PLXDC1: variants seen among roughly 807,000 people sequenced by gnomAD.
The protein encoded by PLXDC1 is plexin domain-containing protein 1.
PLXDC1 carries 39 observed loss-of-function variants against 61.3 expected under a neutral mutation model. The observed-to-expected ratio is 0.64, with a 90% CI of 0.49 to 0.83. PLXDC1 has a LOEUF of 0.83. Among genes scored for constraint, PLXDC1 ranks in the 40% least tolerant of loss-of-function variants. The pLI is 0.00. For missense variants in PLXDC1, 596 were observed against 666.5 expected (o/e 0.89, Z 1.17); for synonymous variants, 212 against 254.5 (o/e 0.83, Z 1.59).
chr17:39,135,502 C>A (rs1457833304), intron 2 of PLXDC1, among the ~76,000 whole-genome samples: 1 of 152,016 alleles, frequency 6.6e-6, no homozygotes, highest in Non-Finnish European at 1.5e-5. Flanking sequence ...CATGGTGAAA[C>A]CCCATCTCTA....
chr17:39,115,891 G>A (rs186016515), intron 2 of PLXDC1, among the ~76,000 whole-genome samples: 18 of 152,144 alleles, frequency 1.2e-4, no homozygotes, highest in Admixed American at 5.9e-4. Context: ...GAGACAGGGC[G>A]GATCACCTGA....
chr17:39,077,222 C>T (rs1304887181), intron 11 of PLXDC1, among the ~76,000 whole-genome samples: 3 of 152,116 alleles, frequency 2.0e-5, no homozygotes, highest in Non-Finnish European at 4.4e-5. Flanking sequence ...GACATAGCTA[C>T]AGAATCCTGG....
chr17:39,113,607 G>A (rs1037261339), intron 2 of PLXDC1, among the ~76,000 whole-genome samples: 15 of 152,138 alleles, frequency 9.9e-5, no homozygotes, highest in Admixed American at 1.3e-4. Context: ...TTGAGAGGAC[G>A]AGGCTGGAGG....
intron 1 of PLXDC1, among the ~76,000 whole-genome samples, chr17:39,145,206 C>T (rs542860730): frequency 2.0e-5 from 3 of 152,318 alleles, no homozygotes; most frequent in African/African-American, 4.8e-5. Context: ...GAGGGCCCTA[C>T]TCAGGCTGCC....
intron 2 of PLXDC1, among the ~76,000 whole-genome samples, chr17:39,137,867 T>C (rs1368658733): frequency 3.3e-5 from 5 of 150,144 alleles, no homozygotes; most frequent in South Asian, 2.1e-4. Flanking sequence ...GGGATTGGAG[T>C]GCAGGACAGG....
In PLXDC1 at chr17:39,109,259, G is replaced by C; in HGVS notation, c.388C>G (p.Arg130Gly). 6.2e-7 allele frequency: 1 copy of C among 1,606,244 alleles called. No homozygotes were observed. The highest frequency in any genetic ancestry group is 8.5e-7 in the Non-Finnish European group (1 of 1,175,256). ...ACTGGGGCACTCACCGAAGCCTGCCGGTGGGTGTTGGAGAGTATTGTGTGG... is the reference window on the plus strand; with the variant it reads ...ACTGGGGCACTCACCGAAGCCTGCCCGTGGGTGTTGGAGAGTATTGTGTGG... ...KIHTILSNTH[R>G]QASRVVLSFD... Residue 130 changes from arginine (R) to glycine (G), a missense_variant, in exon 3 of 14, where the codon CGG (arginine) becomes GGG (glycine). Physicochemically the swap from Arg to Gly is moderately radical, Grantham distance 125. Coordinates refer to ENST00000315392, the MANE Select transcript of PLXDC1 (RefSeq NM_020405.5).
intron 11 of PLXDC1, chr17:39,072,945 C>T (rs1909184242): frequency 1.2e-5 from 2 of 163,768 alleles, no homozygotes; most frequent in South Asian, 3.3e-4. Context: ...TCCTGTGGTT[C>T]CTTCCCATGC....
intron 2 of PLXDC1, among the ~76,000 whole-genome samples, chr17:39,122,842 A>G (rs1001608390): frequency 3.3e-5 from 5 of 152,196 alleles, no homozygotes; most frequent in African/African-American, 7.2e-5. Flanking sequence ...GATTTCAAAC[A>G]TTTTTGGTCC....
At chr17:39,114,722 G>A (rs1450330658) in intron 2 of PLXDC1, among the ~76,000 whole-genome samples, 1 of 152,226 alleles carries the variant, frequency 6.6e-6, no homozygotes, top group East Asian at 1.9e-4. Context: ...AAGCAGGACA[G>A]CTGCAGATGC....
chr17:39,135,469 G>T (rs939898215), intron 2 of PLXDC1, among the ~76,000 whole-genome samples: 2 of 152,170 alleles, frequency 1.3e-5, no homozygotes, highest in Non-Finnish European at 2.9e-5. Context: ...CTGAGGTCAG[G>T]ATTCTGAGAC....
chr17:39,094,454 CCTT>C (rs1004121271), intron 7 of PLXDC1, among the ~76,000 whole-genome samples: 3 of 152,090 alleles, frequency 2.0e-5, no homozygotes, highest in African/African-American at 7.2e-5. Flanking sequence ...GACGTCCCCT[CCTT>C]GAAGACTTCC....
At chr17:39,076,342 C>G (rs1346606335) in intron 11 of PLXDC1, among the ~76,000 whole-genome samples, 1 of 151,388 alleles carries the variant, frequency 6.6e-6, no homozygotes, top group Non-Finnish European at 1.5e-5. Context: ...GACCTCATCT[C>G]TACAAAAAAT....
At chr17:39,084,491 G>T (rs188004334) in intron 8 of PLXDC1, among the ~76,000 whole-genome samples, 18 of 152,334 alleles carry the variant, frequency 1.2e-4, no homozygotes, top group Non-Finnish European at 2.2e-4. Flanking sequence ...TGCTCTGGTT[G>T]CCCCCAGTGC....
chr17:39,069,888 G>T lies in PLXDC1; in HGVS notation c.1351C>A (p.Pro451Thr), dbSNP rs1909046678. 6.2e-7 allele frequency: 1 copy of T among 1,613,938 alleles called. No individual in the cohort carries two copies. The highest frequency in any genetic ancestry group is 1.7e-4 in the Middle Eastern group (1 of 6,060). The change falls in exon 13 of 14, where the codon CCC (proline) becomes ACC (threonine). Residue 451 changes from proline (P) to threonine (T), a missense_variant. Coordinates refer to ENST00000315392, the MANE Select transcript of PLXDC1 (RefSeq NM_020405.5). Reference protein sequence around the residue: ...ILAGIYINGHPTSNAALFFIE... With the variant: ...ILAGIYINGHTTSNAALFFIE... ...AAGAAGAGCGCAGCATTGGATGTGG[G>T]GTGGCCATTGATGTAAATTCCAGCC... is the stretch of plus-strand genomic sequence containing the variant.
intron 11 of PLXDC1, 180 bp from the exon 12 acceptor site, chr17:39,072,665 G>T: frequency 1.6e-6 from 1 of 632,686 alleles, no homozygotes; most frequent in Non-Finnish European, 2.9e-6. Context: ...GCTGGAGGCT[G>T]GGGAGTAAAT....
intron 5 of PLXDC1, chr17:39,107,803 G>A: frequency 1.8e-6 from 1 of 568,728 alleles, no homozygotes; most frequent in Non-Finnish European, 3.2e-6. Flanking sequence ...GATAAAAGAA[G>A]GAGGAATGTC....
chr17:39,094,972 A>G (rs1910095470), intron 7 of PLXDC1, among the ~76,000 whole-genome samples: 1 of 152,194 alleles, frequency 6.6e-6, no homozygotes, highest in Admixed American at 6.5e-5. Context: ...TGGGAGGGAC[A>G]AAGGGACTCA....
intron 2 of PLXDC1, among the ~76,000 whole-genome samples, chr17:39,134,483 G>A (rs1051750299): frequency 2.0e-5 from 3 of 151,476 alleles, no homozygotes; most frequent in African/African-American, 7.3e-5. Flanking sequence ...AAAATTAGCC[G>A]GGCTTGGTAG....
At chr17:39,107,607 C>T (rs762033840) in intron 5 of PLXDC1, 82 bp from the exon 6 acceptor site, 35 of 1,024,014 alleles carry the variant, frequency 3.4e-5, no homozygotes, top group African/African-American at 4.7e-5. Context: ...CGGAGGGCAG[C>T]GGCCACAGGT....
Sources: allele counts gnomAD v4.1 joint callset (sites outside exome capture counted in the v4.1 genomes callset), GRCh38; gene constraint gnomAD v4.1.1; transcripts MANE v1.5; gene names NCBI Gene and HGNC (gene_info 2026-07-23, HGNC 2026-07-21).